The following ENDOD1 variants were observed in gnomAD, a reference collection of about 807,000 sequenced individuals.
The protein encoded by ENDOD1 is endonuclease domain containing 1.
A neutral mutation model predicts 6.5 loss-of-function variants in ENDOD1; 9 were observed. That is an observed-to-expected ratio of 1.39 (90% CI 0.84 to 2.43). The LOEUF (loss-of-function observed/expected upper bound fraction) is 2.43, where lower values mean the gene tolerates loss of function less well. ENDOD1 is among the 30% of genes most tolerant of loss of function. The pLI is 0.00. For missense variants in ENDOD1, 648 were observed against 635.5 expected (o/e 1.02, Z -0.21); for synonymous variants, 255 against 255.2 (o/e 1.00, Z 0.01).
chr11:95,089,875 C>T lies in ENDOD1; in HGVS notation c.-53C>T, dbSNP rs1427905175. 7.8e-7 allele frequency: 1 copy of T among 1,286,486 alleles called. No homozygotes were observed. The highest frequency in any genetic ancestry group is 9.9e-7 in the Non-Finnish European group (1 of 1,014,916). 79.7% of individuals were successfully genotyped at this position (1,286,486 alleles called of 1,614,324 possible). On this transcript the variant is annotated 5_prime_UTR_variant, in exon 1 of 2. Transcript: ENST00000278505. ...TGCGCTCCCCGCCCAGCCTGCAGAG[C>T]TCGCGCCGCGGCAGCCCAGCCGCTC...
chr11:95,092,365 G>A (rs953668745), intron 1 of ENDOD1, among the ~76,000 whole-genome samples: 1 of 152,122 alleles, frequency 6.6e-6, no homozygotes, highest in African/African-American at 2.4e-5. Context: ...ATGCAGCTAG[G>A]GAAGGAGTGA....
At chr11:95,126,732 G>A (rs1859315407) in intron 1 of ENDOD1, among the ~76,000 whole-genome samples, 1 of 152,192 alleles carries the variant, frequency 6.6e-6, no homozygotes, top group Non-Finnish European at 1.5e-5. Flanking sequence ...TCAGGTCGGA[G>A]TGCAGTTGCA....
At position 95,129,535 on chromosome 11, in the gene ENDOD1, C is replaced by A. The variant is rs773816467; in HGVS notation, c.1459C>A (p.Arg487=). The A allele has an allele frequency of 6.2e-7, 1 of 1,614,064 alleles. No individual in the cohort carries two copies. Among genetic ancestry groups the A allele is most frequent in the Non-Finnish European group, 8.5e-7 (1 of 1,179,992 alleles). ...LFQVVFSVCK[R]IGYKVTFDNS... is the part of the protein sequence containing the mutation. ...TCAGGTGGTTTTTAGTGTCTGCAAG[C>A]GGATTGGCTACAAGGTTACTTTTGA... Residue 487 remains arginine, a synonymous_variant, in exon 2 of 2, where the codon CGG becomes AGG. Coordinates refer to ENST00000278505, the MANE Select transcript of ENDOD1 (RefSeq NM_015036.3).
chr11:95,105,431 C>A (rs1186160270), intron 1 of ENDOD1, among the ~76,000 whole-genome samples: 3 of 151,962 alleles, frequency 2.0e-5, no homozygotes, highest in African/African-American at 7.3e-5. Flanking sequence ...TTGAATTATT[C>A]TATTTTTTTT....
chr11:95,090,191 C>A lies in ENDOD1; in HGVS notation c.264C>A (p.Pro88=), dbSNP rs782572035. 7.1e-7 allele frequency: 1 copy of A among 1,418,368 alleles called. No homozygotes were observed. The highest frequency in any genetic ancestry group is 9.3e-7 in the Non-Finnish European group (1 of 1,070,336). The allele number at this position is 1,418,368 out of a possible 1,614,324, so 87.9% of individuals were successfully genotyped here. Residue 88 remains proline, a synonymous_variant, in exon 1 of 2, where the codon CCC becomes CCA. Coordinates refer to ENST00000278505, the MANE Select transcript of ENDOD1 (RefSeq NM_015036.3). Reference sequence around the variant, plus strand: ...CGTTCCGCGCCCCGCGCCCTGCGCCCGGCGGCGCCGAGCAGCGATGGCTGG... The same window carrying A: ...CGTTCCGCGCCCCGCGCCCTGCGCCAGGCGGCGCCGAGCAGCGATGGCTGG... The part of the protein sequence containing the change: ...YSAFRAPRPA[P]GGAEQRWLVE...
intron 1 of ENDOD1, among the ~76,000 whole-genome samples, chr11:95,106,356 G>T (rs376606958): frequency 6.6e-6 from 1 of 152,152 alleles, no homozygotes; most frequent in Non-Finnish European, 1.5e-5. Context: ...GAAGTGGGGC[G>T]CATTTACATT....
intron 1 of ENDOD1, among the ~76,000 whole-genome samples, chr11:95,110,583 ATGTGTGTGTGTGTGTG>A (rs35270641): frequency 1.4e-5 from 2 of 147,688 alleles, no homozygotes; most frequent in African/African-American, 5.0e-5. Flanking sequence ...CCGTGTATGT[ATGTGTGTGTGTGTGTG>A]TGTGTGTGTG....
intron 1 of ENDOD1, among the ~76,000 whole-genome samples, chr11:95,099,737 T>C (rs1555110673): frequency 6.6e-6 from 1 of 152,254 alleles, no homozygotes; most frequent in African/African-American, 2.4e-5. Flanking sequence ...TCTTTGCAGG[T>C]TCTTGCATTT....
chr11:95,104,885 C>G (rs932745599), intron 1 of ENDOD1, among the ~76,000 whole-genome samples: 7 of 152,128 alleles, frequency 4.6e-5, no homozygotes, highest in South Asian at 2.1e-4. Context: ...CATCTAGGAG[C>G]CTTCACACCC....
chr11:95,118,332 T>A (rs1859230606), intron 1 of ENDOD1, among the ~76,000 whole-genome samples: 1 of 152,252 alleles, frequency 6.6e-6, no homozygotes, highest in African/African-American at 2.4e-5. Flanking sequence ...TTAGCATTTC[T>A]TTCAGGACTG....
intron 1 of ENDOD1, among the ~76,000 whole-genome samples, chr11:95,115,483 C>A (rs987478290): frequency 6.6e-6 from 1 of 151,896 alleles, no homozygotes; most frequent in Non-Finnish European, 1.5e-5. Flanking sequence ...AATTTGGATG[C>A]CCTTTATTTC....
At chr11:95,122,397 T>C (rs1256875082) in intron 1 of ENDOD1, among the ~76,000 whole-genome samples, 3 of 136,302 alleles carry the variant, frequency 2.2e-5, no homozygotes, top group Non-Finnish European at 4.7e-5. Context: ...TTTTCTTTTT[T>C]TTTTTTTTGT....
chr11:95,094,086 C>T lies in ENDOD1; in HGVS notation c.300+3859C>T, dbSNP rs190739694. 4.0e-5 allele frequency among the ~76,000 whole-genome samples: 6 copies of T among 150,194 alleles called. No homozygotes were observed. In the East Asian group the frequency reaches 1.2e-3, roughly 29 times the overall value. On this transcript the variant is annotated intron_variant, in intron 1 of 1. Coordinates refer to ENST00000278505, the MANE Select transcript of ENDOD1 (RefSeq NM_015036.3). ...ATGCCAGAAGCCAACATATAAAGCT[C>T]TATCATTTTATAAACATGGAAGGAA...
chr11:95,089,991 C>T lies in ENDOD1; in HGVS notation c.64C>T (p.Arg22Trp). The stretch of plus-strand genomic sequence containing the variant: ...CGCCCTGGCTGGGCTGCTGGAAGGC[C>T]GGCTCGTGGGCGAGGAGGAAGCCGG... ...LFALAGLLEG[R>W]LVGEEEAGFG... Residue 22 changes from arginine to tryptophan, a missense_variant, in exon 1 of 2, where the codon CGG (arginine) becomes TGG (tryptophan). Coordinates refer to ENST00000278505, the MANE Select transcript of ENDOD1 (RefSeq NM_015036.3). The T allele has an allele frequency of 1.3e-6, 2 of 1,557,918 alleles. No individual in the cohort carries two copies. The highest frequency in any genetic ancestry group is 1.7e-6 in the Non-Finnish European group (2 of 1,153,348).
At chr11:95,124,740 G>A (rs1044573252) in intron 1 of ENDOD1, among the ~76,000 whole-genome samples, 1 of 152,156 alleles carries the variant, frequency 6.6e-6, no homozygotes, top group African/African-American at 2.4e-5. Flanking sequence ...GCCTTACCTG[G>A]TTGTCAGGTG....
chr11:95,127,613 C>T (rs1158172727), intron 1 of ENDOD1, among the ~76,000 whole-genome samples: 1 of 152,158 alleles, frequency 6.6e-6, no homozygotes, highest in Non-Finnish European at 1.5e-5. Context: ...TAAATTGCAA[C>T]CAACATTGGT....
chr11:95,119,306 T>C (rs1480902749), intron 1 of ENDOD1, among the ~76,000 whole-genome samples: 2 of 152,260 alleles, frequency 1.3e-5, no homozygotes, highest in Non-Finnish European at 2.9e-5. Flanking sequence ...TACCCATCCT[T>C]CTTGGAAGGC....
chr11:95,090,401 G>C (rs1555109758), intron 1 of ENDOD1, among the ~76,000 whole-genome samples, 174 bp downstream of exon 1: 1 of 1,302 alleles, frequency 7.7e-4, no homozygotes, highest in African/African-American at 3.3e-3. Context: ...CCCGGAGTTA[G>C]CCTGCCTCGC....
chr11:95,118,971 T>C (rs111431371), intron 1 of ENDOD1, among the ~76,000 whole-genome samples: 6,356 of 152,326 alleles, frequency 0.042, 162 homozygotes, highest in African/African-American at 0.049. Context: ...TTCTTCAGTA[T>C]GTCAATTGCA....
Sources: allele counts gnomAD v4.1 joint callset (sites outside exome capture counted in the v4.1 genomes callset), GRCh38; gene constraint gnomAD v4.1.1; transcripts MANE v1.5; gene names NCBI Gene and HGNC (gene_info 2026-07-23, HGNC 2026-07-21).